Variants in CYP4F3 observed in about 807,000 individuals in gnomAD.
CYP4F3 encodes cytochrome P450 4F3.
In CYP4F3, 50 loss-of-function variants were observed where a neutral mutation model predicts 54.8. The ratio of observed to expected loss-of-function variants is 0.91; its 90% CI spans 0.73 to 1.16. CYP4F3 has a LOEUF of 1.16. Ranked by LOEUF, CYP4F3 falls within the 50% of genes most tolerant of loss-of-function variation. CYP4F3 has a pLI of 0.00. For synonymous variants in CYP4F3, 244 were observed against 262.6 expected (o/e 0.93, Z 0.69); for missense variants, 715 against 676.2 (o/e 1.06, Z -0.64).
intron 7 of CYP4F3, among the ~76,000 whole-genome samples, chr19:15,650,864 T>TCTC (rs1972829341): frequency 2.3e-5 from 1 of 44,192 alleles, no homozygotes; most frequent in African/African-American, 1.4e-4. Flanking sequence ...CTTTCTTTCT[T>TCTC]TCTTTTTCTC....
At chr19:15,649,341 G>A in intron 6 of CYP4F3, 60 bp downstream of exon 6, 4 of 1,609,582 alleles carry the variant, frequency 2.5e-6, no homozygotes, top group Admixed American at 3.3e-5. Context: ...GTAGGTGGGG[G>A]GCTGGGGAGG....
rs972388875 is a variant in CYP4F3 at position 15,645,620 on chromosome 19, T to C, written c.199-99T>C. 12 of 1,468,806 alleles carry C rather than the reference T, an allele frequency of 8.2e-6. No individual in the cohort carries two copies. In the African/African-American group the frequency reaches 1.4e-4, roughly 17 times the overall value. 91.0% of individuals were successfully genotyped at this position (1,468,806 alleles called of 1,614,324 possible). A position where few individuals can be genotyped will look rare whatever the true frequency, so the allele number is the denominator to read the frequency against. On this transcript the variant is annotated intron_variant, in intron 2 of 12. Coordinates refer to ENST00000221307, the MANE Select transcript of CYP4F3 (RefSeq NM_000896.3). ...CACTGAGAGGGAGATGAGATGCTGC[T>C]TGAAATTCTCAGGGAGAGGGCTTCC...
intron 7 of CYP4F3, 157 bp downstream of exon 7, chr19:15,650,340 C>G: frequency 7.1e-7 from 1 of 1,413,670 alleles, no homozygotes; most frequent in Non-Finnish European, 9.7e-7. Context: ...GGAGATAGCT[C>G]TGTGGACTAG....
intron 9 of CYP4F3, among the ~76,000 whole-genome samples, chr19:15,656,771 C>CTAT (rs768701357): frequency 2.0e-4 from 20 of 100,840 alleles, no homozygotes; most frequent in Non-Finnish European, 3.7e-4. Context: ...TATCTATCAT[C>CTAT]CATCCATCCA....
At chr19:15,653,545 C>T (rs886127963) in intron 9 of CYP4F3, among the ~76,000 whole-genome samples, 8 of 152,076 alleles carry the variant, frequency 5.3e-5, no homozygotes, top group Non-Finnish European at 1.2e-4. Context: ...GGGAACTGTC[C>T]CTGGGCAGGA....
At chr19:15,656,326 A>C (rs1973009837) in intron 9 of CYP4F3, among the ~76,000 whole-genome samples, 1 of 152,126 alleles carries the variant, frequency 6.6e-6, no homozygotes, top group African/African-American at 2.4e-5. Context: ...AACAACATTA[A>C]ATTACAAAAT....
intron 9 of CYP4F3, chr19:15,658,056 T>A (rs1973074482): frequency 1.1e-6 from 1 of 937,258 alleles, no homozygotes; most frequent in Non-Finnish European, 1.3e-6. Flanking sequence ...TCTCATGTCT[T>A]TTTCTGAGCT....
chr19:15,647,969 A>T (rs1972680502), intron 5 of CYP4F3, among the ~76,000 whole-genome samples: 5 of 152,150 alleles, frequency 3.3e-5, no homozygotes, highest in Admixed American at 3.3e-4. Flanking sequence ...CATTTTTACC[A>T]CATTGTATTT....
In CYP4F3 at chr19:15,645,836, T is replaced by C. The variant is rs146683971; in HGVS notation, c.316T>C (p.Tyr106His). The change falls in exon 3 of 13, where the codon TAC becomes CAC. Residue 106 changes from tyrosine to histidine, a missense_variant. Physicochemically the swap from Tyr to His is moderately conservative, Grantham distance 83. Transcript: ENST00000221307. ...AATCGTCCGCATCTTCCACCCCACC[T>C]ACATCAAGCCTGTGCTCTTTGCTCC... ...HAIVRIFHPT[Y>H]IKPVLFAPAA... The C allele has an allele frequency of 4.3e-5, 69 of 1,612,650 alleles. No individual in the cohort carries two copies. Among genetic ancestry groups the C allele is most frequent in the Non-Finnish European group, 5.4e-5 (64 of 1,179,210 alleles).
intron 2 of CYP4F3, among the ~76,000 whole-genome samples, chr19:15,643,405 A>ATATATAGATAG (rs1972528949): frequency 3.0e-5 from 3 of 99,370 alleles, no homozygotes; most frequent in East Asian, 7.7e-4. Flanking sequence ...TATATAGGTA[A>ATATATAGATAG]ATAGATAGAT....
At chr19:15,652,776 G>A (rs1424950297) in intron 8 of CYP4F3, 47 bp from the exon 9 acceptor site, 4 of 1,601,322 alleles carry the variant, frequency 2.5e-6, no homozygotes, top group Non-Finnish European at 3.4e-6. Context: ...TACACCCTCG[G>A]GTGCTGAAGC....
chr19:15,648,034 CTCTG>C (rs1396967282), intron 5 of CYP4F3, among the ~76,000 whole-genome samples: 2 of 152,082 alleles, frequency 1.3e-5, no homozygotes, highest in African/African-American at 4.8e-5. Context: ...GTAAAATAGG[CTCTG>C]TCTATTATTG....
chr19:15,653,508 A>G (rs530489377), intron 9 of CYP4F3, among the ~76,000 whole-genome samples: 2 of 152,110 alleles, frequency 1.3e-5, no homozygotes, highest in African/African-American at 4.8e-5. Context: ...CCAGGGATCT[A>G]TTTTCCAGGT....
rs28371516 is a variant in CYP4F3 at position 15,660,447 on chromosome 19, T to A, written c.*1062T>A. 1 of 151,156 alleles carries A rather than the reference T, an allele frequency of 6.6e-6. No homozygotes were observed. Among genetic ancestry groups the A allele is most frequent in the African/African-American group, 2.4e-5 (1 of 41,156 alleles). The allele number at this position is 151,156 out of a possible 1,614,324, so 9.4% of individuals were successfully genotyped here. ...TGACTGTTTTTGTCCTATTAAGAAG[T>A]AGACCACTGAGAAGGGAGAAGGTGA... On this transcript the variant is annotated 3_prime_UTR_variant, in exon 13 of 13. Coordinates refer to ENST00000221307, the MANE Select transcript of CYP4F3 (RefSeq NM_000896.3).
chr19:15,647,206 T>A lies in CYP4F3; in HGVS notation c.407T>A (p.Leu136His), dbSNP rs1972654795. The part of the protein sequence containing the change: ...SFLKPWLGDG[L>H]LLSAGEKWSR... Reference sequence around the variant, plus strand: ...TTGGCTGCCCTGCCAGGGGATGGGCTCCTGCTGAGTGCTGGTGAAAAGTGG... The same window carrying A: ...TTGGCTGCCCTGCCAGGGGATGGGCACCTGCTGAGTGCTGGTGAAAAGTGG... Residue 136 changes from leucine to histidine, a missense_variant, in exon 5 of 13, where the codon CTC becomes CAC. Transcript: ENST00000221307. The A allele has an allele frequency of 6.2e-7, 1 of 1,614,128 alleles. No homozygotes were observed.
chr19:15,641,246 G>A, intron 1 of CYP4F3, 169 bp from the exon 2 acceptor site: 2 of 794,692 alleles, frequency 2.5e-6, no homozygotes, highest in South Asian at 3.8e-5. Context: ...GCTGGTTTTG[G>A]CTGGGCCTTT....
At chr19:15,649,401 A>G in intron 6 of CYP4F3, 120 bp downstream of exon 6, 1 of 1,502,486 alleles carries the variant, frequency 6.7e-7, no homozygotes, top group South Asian at 1.2e-5. Flanking sequence ...GTTATACCTG[A>G]TCGTTGAAGG....
intron 7 of CYP4F3, among the ~76,000 whole-genome samples, chr19:15,651,362 ATATCTT>A (rs1972849911): frequency 9.5e-6 from 1 of 105,608 alleles, no homozygotes; most frequent in Non-Finnish European, 2.0e-5. Context: ...TGCTATATCT[ATATCTT>A]TGTCTTTTTT....
chr19:15,660,828 T>C lies in CYP4F3; in HGVS notation c.*1443T>C, dbSNP rs577416150. ...GCCTCCTGCGTTCAAGTGATTGTCC[T>C]GTCTCAGCCTCCCAAGTAGCTGGGA... On this transcript the variant is annotated 3_prime_UTR_variant, in exon 13 of 13. Transcript: ENST00000221307. 1.5e-3 allele frequency: 226 copies of C among 151,892 alleles called. 3 individuals are homozygous for C. The highest frequency in any genetic ancestry group is 1.6e-3 in the Admixed American group (24 of 15,242). 9.4% of individuals were successfully genotyped at this position (151,892 alleles called of 1,614,324 possible).
Sources: gnomAD v4.1 joint callset for allele counts (sites outside exome capture counted in the v4.1 genomes callset) on GRCh38, gnomAD v4.1.1 for gene constraint, MANE v1.5 for transcripts, NCBI Gene and HGNC (gene_info 2026-07-23, HGNC 2026-07-21) for gene names.